The following BICRAL variants were observed in gnomAD, a reference collection of about 807,000 sequenced individuals.
The protein encoded by BICRAL is BRD4-interacting chromatin-remodeling complex-associated protein-like.
BICRAL carries 8 observed loss-of-function variants against 91.8 expected under a neutral mutation model. The observed-to-expected ratio is 0.09, with a 90% CI of 0.05 to 0.16. The LOEUF (loss-of-function observed/expected upper bound fraction) is 0.16. Among genes scored for constraint, BICRAL ranks in the 10% least tolerant of loss-of-function variants. BICRAL has a pLI of 1.00. For missense variants in BICRAL, 1,038 were observed against 1,310.9 expected (o/e 0.79, Z 3.21); for synonymous variants, 445 against 491.1 (o/e 0.91, Z 1.24).
At chr6:42,751,226 A>T (rs567884507) in intron 1 of BICRAL, among the ~76,000 whole-genome samples, 15 of 151,894 alleles carry the variant, frequency 9.9e-5, no homozygotes, top group African/African-American at 3.1e-4. Flanking sequence ...TCCAACCCCA[A>T]GGTCCTGGCA....
rs1170856502 is a variant in BICRAL, at chr6:42,865,401, T to G, written c.3195T>G (p.Thr1065=). The G allele has an allele frequency of 6.2e-7, 1 of 1,613,618 alleles. No individual in the cohort carries two copies. Among genetic ancestry groups the G allele is most frequent in the East Asian group, 2.2e-5 (1 of 44,884 alleles). ...IPDHSEGVVE[T]DSILEAAVNS... Reference sequence around the variant, plus strand: ...ACCACAGTGAAGGTGTTGTAGAAACTGACTCCATTTTAGAAGCAGCTGTAA... The same window carrying G: ...ACCACAGTGAAGGTGTTGTAGAAACGGACTCCATTTTAGAAGCAGCTGTAA... Residue 1065 remains threonine, a synonymous_variant, in exon 13 of 13, where the codon ACT becomes ACG. Coordinates refer to ENST00000314073, the MANE Select transcript of BICRAL (RefSeq NM_001393499.1).
At chr6:42,770,183 A>G (rs151072354) in intron 1 of BICRAL, among the ~76,000 whole-genome samples, 67 of 152,154 alleles carry the variant, frequency 4.4e-4, no homozygotes, top group African/African-American at 1.6e-3. Context: ...TCATTCTTTA[A>G]AACCCAGCTT....
At chr6:42,827,625 A>G (rs1205631767) in intron 5 of BICRAL, among the ~76,000 whole-genome samples, 1 of 152,248 alleles carries the variant, frequency 6.6e-6, no homozygotes, top group Non-Finnish European at 1.5e-5. Flanking sequence ...CACGCCTGTA[A>G]TCCTAGCACT....
At chr6:42,830,320 C>T in intron 6 of BICRAL, 148 bp downstream of exon 6, 1 of 759,534 alleles carries the variant, frequency 1.3e-6, no homozygotes, top group Non-Finnish European at 2.1e-6. Flanking sequence ...AATCCCAACA[C>T]TTTGGGAGGC....
Position 42,865,704 on chromosome 6 carries a change from G to T in BICRAL, c.*258G>T. The T allele has an allele frequency of 4.6e-6, 2 of 439,134 alleles. No individual in the cohort carries two copies. The highest frequency in any genetic ancestry group is 8.1e-6 in the Non-Finnish European group (2 of 246,734). 27.2% of individuals were successfully genotyped at this position (439,134 alleles called of 1,614,324 possible). A position where few individuals can be genotyped will look rare whatever the true frequency, so the allele number is the denominator to read the frequency against. On this transcript the variant is annotated 3_prime_UTR_variant, in exon 13 of 13. Transcript: ENST00000314073. ...GTCTGATAGGCCCCACTCATTTCAA[G>T]TGTTATGAAAGTGCTTATAGGCATT...
chr6:42,783,896 G>GT (rs557512717), intron 1 of BICRAL, among the ~76,000 whole-genome samples: 1 of 152,206 alleles, frequency 6.6e-6, no homozygotes, highest in South Asian at 2.1e-4. Flanking sequence ...CTGGCCCGGC[G>GT]TGGGGGCAGG....
intron 1 of BICRAL, among the ~76,000 whole-genome samples, chr6:42,797,032 G>C (rs1029067): frequency 0.5 from 66,329 of 132,352 alleles, 16,984 homozygotes; most frequent in African/African-American, 0.7. Context: ...CAACAAGAGC[G>C]AAACTCTGTC....
In BICRAL at chr6:42,829,810, C is replaced by A; in HGVS notation, c.1477C>A (p.Gln493Lys). Residue 493 changes from glutamine to lysine, a missense_variant, in exon 6 of 13, where the codon CAG becomes AAG. By Grantham distance (53) the Gln-to-Lys change is moderately conservative. This residue lies in a region of BICRAL where 532 missense variants were observed against 724.9 expected (regional missense o/e 0.73). Coordinates refer to ENST00000314073, the MANE Select transcript of BICRAL (RefSeq NM_001393499.1). ...AGTGATAGCCAATCATGCCTCTCCTCAGCTTGTGGGTGGACAGATGCCCTT... is the reference window on the plus strand; with the variant it reads ...AGTGATAGCCAATCATGCCTCTCCTAAGCTTGTGGGTGGACAGATGCCCTT... The part of the protein sequence containing the change: ...SPVIANHASP[Q>K]LVGGQMPLQQ... 6.2e-7 allele frequency: 1 copy of A among 1,614,230 alleles called. No individual in the cohort carries two copies. The highest frequency in any genetic ancestry group is 8.5e-7 in the Non-Finnish European group (1 of 1,180,048).
At chr6:42,760,284 C>T (rs1055755888) in intron 1 of BICRAL, among the ~76,000 whole-genome samples, 101 of 150,548 alleles carry the variant, frequency 6.7e-4, no homozygotes, top group African/African-American at 2.3e-3. Flanking sequence ...ATTGGGAGGC[C>T]GAGGCACGCG....
upstream of BICRAL, chr6:42,746,943 C>T (rs942708406): frequency 1.3e-5 from 2 of 152,412 alleles, no homozygotes; most frequent in Non-Finnish European, 2.9e-5. Flanking sequence ...GATCCACACC[C>T]CCTTCCTCTT....
At chr6:42,863,144 G>C (rs1315580336) in intron 12 of BICRAL, among the ~76,000 whole-genome samples, 5 of 150,924 alleles carry the variant, frequency 3.3e-5, no homozygotes, top group Non-Finnish European at 7.4e-5. Flanking sequence ...TACCTCCCGA[G>C]TTCACGCCAT....
At chr6:42,807,805 A>G (rs1483397991) in intron 1 of BICRAL, among the ~76,000 whole-genome samples, 1 of 135,434 alleles carries the variant, frequency 7.4e-6, no homozygotes, top group Non-Finnish European at 1.6e-5. Context: ...ACTCCGTCTG[A>G]AAAAAAAAAA....
intron 6 of BICRAL, among the ~76,000 whole-genome samples, chr6:42,830,950 G>A (rs1000628516): frequency 6.6e-6 from 1 of 152,198 alleles, no homozygotes; most frequent in Non-Finnish European, 1.5e-5. Flanking sequence ...GCATTGTAGA[G>A]TGGAGACTCT....
intron 1 of BICRAL, among the ~76,000 whole-genome samples, chr6:42,794,794 CAAAAAAAAA>C (rs1207429482): frequency 1.9e-4 from 18 of 95,250 alleles, no homozygotes; most frequent in African/African-American, 7.0e-4. Flanking sequence ...ACTAAAAATA[CAAAAAAAAA>C]AAAAAAAAAT....
chr6:42,787,954 T>C (rs930401014), intron 1 of BICRAL, among the ~76,000 whole-genome samples: 3 of 151,056 alleles, frequency 2.0e-5, no homozygotes, highest in Non-Finnish European at 4.4e-5. Context: ...AGTGCAATGG[T>C]GCAAATTACG....
intron 1 of BICRAL, among the ~76,000 whole-genome samples, chr6:42,767,635 G>A (rs1359148651): frequency 6.6e-6 from 1 of 152,218 alleles, no homozygotes; most frequent in Non-Finnish European, 1.5e-5. Context: ...TACTGTAGTT[G>A]GCCCTGGGGA....
At chr6:42,807,069 G>A (rs997995356) in intron 1 of BICRAL, among the ~76,000 whole-genome samples, 5 of 152,100 alleles carry the variant, frequency 3.3e-5, no homozygotes, top group South Asian at 2.1e-4. Context: ...GACCTCAAGT[G>A]ATCCACCCGC....
chr6:42,787,401 C>T (rs1763131349), intron 1 of BICRAL, among the ~76,000 whole-genome samples: 2 of 152,018 alleles, frequency 1.3e-5, no homozygotes, highest in Non-Finnish European at 1.5e-5. Context: ...CTAGACTGGA[C>T]ATAAATTTTG....
chr6:42,793,579 G>A (rs536633675), intron 1 of BICRAL, among the ~76,000 whole-genome samples: 14 of 151,692 alleles, frequency 9.2e-5, no homozygotes, highest in African/African-American at 2.7e-4. Context: ...GTGAGCCACC[G>A]CGCCTGACCA....
Sources: gnomAD v4.1 joint callset for allele counts (sites outside exome capture counted in the v4.1 genomes callset) on GRCh38, gnomAD v4.1.1 for gene constraint, gnomAD v4.1.1 regional missense constraint, MANE v1.5 for transcripts, NCBI Gene and HGNC (gene_info 2026-07-23, HGNC 2026-07-21) for gene names.